LRRC7: variants seen among roughly 807,000 people sequenced by gnomAD.
The protein encoded by LRRC7 is leucine rich repeat containing 7.
LRRC7 carries 23 observed loss-of-function variants against 175.7 expected under a neutral mutation model. That is an observed-to-expected ratio of 0.13 (90% confidence interval 0.09 to 0.19). The LOEUF (loss-of-function observed/expected upper bound fraction) is 0.19, where lower values mean the gene tolerates loss of function less well. LRRC7 is among the 10% of genes least tolerant of loss of function. LRRC7 has a pLI of 1.00. For missense variants in LRRC7, 1,354 were observed against 1,904.7 expected, an observed-to-expected ratio of 0.71 and a Z score of 5.38; for synonymous variants, 685 against 680.9, an observed-to-expected ratio of 1.01 and a Z score of -0.09.
chr1:69,988,027 G>C (rs1409351831), intron 10 of LRRC7, among the ~76,000 whole-genome samples: 1 of 152,042 alleles, frequency 6.6e-6, no homozygotes, highest in East Asian at 1.9e-4. Flanking sequence ...AGGAAATACT[G>C]GTTTATGTTG....
chr1:70,022,200 AAAGAGACATCTTTTTG>A (rs914993126), intron 16 of LRRC7: 3 of 152,192 alleles, frequency 2.0e-5, no homozygotes, highest in African/African-American at 7.2e-5. Context: ...TCTAACAACC[AAAGAGACATCTTTTTG>A]AACTTGTGAA....
At chr1:69,686,478 T>C (rs1328693544) in intron 2 of LRRC7, among the ~76,000 whole-genome samples, 1 of 152,150 alleles carries the variant, frequency 6.6e-6, no homozygotes, top group Non-Finnish European at 1.5e-5. Flanking sequence ...TAAAGGGACC[T>C]AAATTGATAT....
At chr1:69,998,298 A>G (rs1238702363) in intron 11 of LRRC7, among the ~76,000 whole-genome samples, 2 of 152,118 alleles carry the variant, frequency 1.3e-5, no homozygotes, top group East Asian at 1.9e-4. Context: ...TCACTCCCTC[A>G]TCACCTGCCA....
At chr1:70,023,528 G>A (rs1269387901) in intron 17 of LRRC7, among the ~76,000 whole-genome samples, 154 bp downstream of exon 17, 1 of 152,018 alleles carries the variant, frequency 6.6e-6, no homozygotes, top group Non-Finnish European at 1.5e-5. Flanking sequence ...TTAACATTTT[G>A]TTTATTGACA....
intron 2 of LRRC7, among the ~76,000 whole-genome samples, chr1:69,759,057 C>T: frequency 6.6e-6 from 1 of 151,846 alleles, no homozygotes; most frequent in East Asian, 2.0e-4. Flanking sequence ...GGGAAATAGC[C>T]CACACAATTA....
chr1:70,024,833 C>T (rs1387486189), intron 17 of LRRC7, among the ~76,000 whole-genome samples: 1 of 151,968 alleles, frequency 6.6e-6, no homozygotes, highest in Non-Finnish European at 1.5e-5. Flanking sequence ...TATAAATGGG[C>T]ATAAAATATG....
intron 7 of LRRC7, among the ~76,000 whole-genome samples, chr1:69,856,481 A>G (rs1360666209): frequency 4.0e-4 from 61 of 152,290 alleles, no homozygotes; most frequent in Admixed American, 3.6e-3. Context: ...AATACTATAA[A>G]CACCTCTACA....
At chr1:69,867,943 A>G (rs10889852) in intron 7 of LRRC7, among the ~76,000 whole-genome samples, 71,015 of 151,894 alleles carry the variant, frequency 0.47, 17,006 homozygotes, top group East Asian at 0.55. Flanking sequence ...GTAAAATTTT[A>G]CTTCCATAAA....
At chr1:69,598,320 C>T (rs114692834) in intron 1 of LRRC7, among the ~76,000 whole-genome samples, 1,522 of 152,122 alleles carry the variant, frequency 0.01, 25 homozygotes, top group African/African-American at 0.035. Flanking sequence ...GTAGTGATGG[C>T]AAGATCTTGG....
chr1:69,965,395 C>T (rs554540822), intron 8 of LRRC7, among the ~76,000 whole-genome samples: 4 of 152,072 alleles, frequency 2.6e-5, no homozygotes, highest in South Asian at 2.1e-4. Context: ...TACAATCCTC[C>T]GAGTATTTAA....
intron 4 of LRRC7, among the ~76,000 whole-genome samples, chr1:69,818,281 ATTTCTT>A (rs1276765942): frequency 2.0e-5 from 3 of 151,824 alleles, no homozygotes; most frequent in African/African-American, 7.3e-5. Flanking sequence ...GTTGAAGTAC[ATTTCTT>A]CTATACCTAA....
At chr1:69,583,950 T>C (rs1646301991) in intron 1 of LRRC7, among the ~76,000 whole-genome samples, 1 of 152,144 alleles carries the variant, frequency 6.6e-6, no homozygotes, top group Admixed American at 6.5e-5. Context: ...TCTTAATGAA[T>C]ATCTTCTGTG....
At chr1:69,654,507 C>G (rs1337706036) in intron 1 of LRRC7, among the ~76,000 whole-genome samples, 1 of 151,870 alleles carries the variant, frequency 6.6e-6, no homozygotes, top group Non-Finnish European at 1.5e-5. Flanking sequence ...TCATGATAAC[C>G]CTTATTGAAG....
intron 1 of LRRC7, among the ~76,000 whole-genome samples, chr1:69,643,511 C>A (rs982555964): frequency 7.9e-5 from 12 of 152,150 alleles, no homozygotes; most frequent in African/African-American, 2.4e-4. Context: ...CAGCCTCCTT[C>A]AGCTGTTTTC....
Position 69,664,529 on chromosome 1 carries a change from A to T in LRRC7, c.3-13852A>T, listed in dbSNP as rs575903986. Among the ~76,000 whole-genome samples, 9 of 152,198 alleles carry T rather than the reference A, an allele frequency of 5.9e-5. No homozygotes were observed. The South Asian group carries it at 1.0e-3, about 18-fold the overall frequency. On this transcript the variant is annotated intron_variant, in intron 1 of 26. Transcript: ENST00000651989. ...CTGGGGTCAGATGATATCTCATTGCAGTTTTGATTTGCATTTCTCCGATTT... is the reference window on the plus strand; with the variant it reads ...CTGGGGTCAGATGATATCTCATTGCTGTTTTGATTTGCATTTCTCCGATTT...
chr1:69,996,263 T>C lies in LRRC7; in HGVS notation c.1004+1630T>C, dbSNP rs1241104212. ...TTTGATGGGGTTGTTTGTTTTTTTC[T>C]AGTAAATTCGTTGGAGTTCATTGTA... is the stretch of plus-strand genomic sequence containing the variant. On this transcript the variant is annotated intron_variant, in intron 11 of 26. Transcript: ENST00000651989. Among the ~76,000 whole-genome samples the C allele has an allele frequency of 5.3e-5, 8 of 152,298 alleles. No homozygotes were observed. In the East Asian group the frequency reaches 1.2e-3, roughly 22 times the overall value.
chr1:69,680,831 A>G (rs1660391635), intron 2 of LRRC7, among the ~76,000 whole-genome samples: 1 of 152,102 alleles, frequency 6.6e-6, no homozygotes, highest in Admixed American at 6.6e-5. Context: ...TATCTGAAGA[A>G]AATGAGGACA....
Position 69,639,786 on chromosome 1 carries a change from A to G in LRRC7, c.3-38595A>G, listed in dbSNP as rs1211911464. 4.0e-5 allele frequency among the ~76,000 whole-genome samples: 6 copies of G among 151,822 alleles called. No individual in the cohort carries two copies. In the Admixed American group the frequency reaches 4.0e-4, roughly 10 times the overall value. ...AAATTAAATTCCTGCCAGGATTTGA[A>G]TTATATCAATACCTACAAATGCAAA... On this transcript the variant is annotated intron_variant, in intron 1 of 26. Transcript: ENST00000651989.
intron 1 of LRRC7, among the ~76,000 whole-genome samples, chr1:69,662,371 C>A (rs1002833814): frequency 2.6e-5 from 4 of 152,092 alleles, no homozygotes; most frequent in African/African-American, 7.2e-5. Flanking sequence ...ATTCTGAATT[C>A]TATTTCTTTA....
Sources: allele counts gnomAD v4.1 joint callset (sites outside exome capture counted in the v4.1 genomes callset), GRCh38; gene constraint gnomAD v4.1.1; transcripts MANE v1.5; gene names NCBI Gene and HGNC (gene_info 2026-07-23, HGNC 2026-07-21).